The following NOMO3 variants were observed in gnomAD, a reference collection of about 807,000 sequenced individuals.
NOMO3 encodes the protein BOS complex subunit NOMO3.
Under a neutral mutation model 69.9 loss-of-function variants are expected in NOMO3, and 15 were observed. The ratio of observed to expected loss-of-function variants is 0.21; its 90% CI spans 0.14 to 0.33. NOMO3 has a LOEUF of 0.33. Among genes scored for constraint, NOMO3 ranks in the 10% least tolerant of loss-of-function variants. The pLI is 1.00. For missense variants in NOMO3, 218 were observed against 761.0 expected, an observed-to-expected ratio of 0.29 and a Z score of 8.39; for synonymous variants, 89 against 301.9, an observed-to-expected ratio of 0.29 and a Z score of 7.31.
At chr16:16,259,081 A>G (rs2049542864) in intron 11 of NOMO3, among the ~76,000 whole-genome samples, 1 of 142,262 alleles carries the variant, frequency 7.0e-6, no homozygotes, top group Non-Finnish European at 1.5e-5. Context: ...CGAGGAGTAG[A>G]TGGATTTGGT....
intron 4 of NOMO3, among the ~76,000 whole-genome samples, chr16:16,244,056 GC>G (rs2049396162): frequency 7.0e-6 from 1 of 143,650 alleles, no homozygotes; most frequent in African/African-American, 2.8e-5. Context: ...ACGGGTGTGT[GC>G]CCAGCTCCCG....
At chr16:16,260,986 A>G (rs371546982) in intron 11 of NOMO3, 5,041 of 149,586 alleles carry the variant, frequency 0.034, 469 homozygotes, top group African/African-American at 0.053. Context: ...TTCTGTTCCA[A>G]TCTCCCAGTT....
Position 16,270,361 on chromosome 16 carries a change from C to T in NOMO3, c.1958+177C>T, listed in dbSNP as rs910833168. ...ACACTTGGATTAGTTACTGAGGAAC[C>T]GGAGACAGGATCCCTTTCCCAAGAA... On this transcript the variant is annotated intron_variant, in intron 17 of 30. Coordinates refer to ENST00000399336, the MANE Select transcript of NOMO3 (RefSeq NM_001004067.4). 1.8e-4 allele frequency among the ~76,000 whole-genome samples: 22 copies of T among 119,956 alleles called. 1 individual carries two copies. Among genetic ancestry groups the T allele is most frequent in the African/African-American group, 5.4e-4 (13 of 24,038 alleles). The allele number at this position is 119,956 out of a possible 152,430, so 78.7% of individuals were successfully genotyped here.
intron 9 of NOMO3, among the ~76,000 whole-genome samples, chr16:16,252,765 A>G (rs1405679761): frequency 1.1e-5 from 1 of 94,700 alleles, no homozygotes. Flanking sequence ...TTCAGGCACC[A>G]TTCCAGGACT....
In NOMO3 at chr16:16,259,071, C is replaced by G. The variant is rs535149507; in HGVS notation, c.1221-2431C>G. On this transcript the variant is annotated intron_variant, in intron 11 of 30. Coordinates refer to ENST00000399336, the MANE Select transcript of NOMO3 (RefSeq NM_001004067.4). ...CCCAGGCGGCTGGCAGGCGAGGGAG[C>G]GAGGAGTAGATGGATTTGGTAGGTC... Among the ~76,000 whole-genome samples the G allele has an allele frequency of 5.6e-5, 8 of 142,106 alleles. 1 individual carries two copies. In the East Asian group the frequency reaches 1.2e-3, roughly 21 times the overall value. 93.2% of individuals were successfully genotyped at this position (142,106 alleles called of 152,430 possible).
At chr16:16,255,386 A>G (rs1265008535) in intron 9 of NOMO3, among the ~76,000 whole-genome samples, 1 of 138,048 alleles carries the variant, frequency 7.2e-6, no homozygotes, top group East Asian at 2.4e-4. Flanking sequence ...GTGGTTCACC[A>G]AAATGGGGGC....
chr16:16,264,915 C>A, intron 14 of NOMO3, 128 bp from the exon 15 acceptor site: 2 of 599,776 alleles, frequency 3.3e-6, no homozygotes, highest in South Asian at 4.1e-5. Flanking sequence ...GTGTATATTT[C>A]TATCTTTATG....
rs375238777 is a variant in NOMO3, at chr16:16,263,529, G to C, written c.1554G>C (p.Leu518Phe). Residue 518 changes from leucine (L) to phenylalanine (F), a missense_variant, in exon 14 of 31, where the codon TTG (leucine) becomes TTC (phenylalanine). Physicochemically the swap from Leu to Phe is conservative, Grantham distance 22. Coordinates refer to ENST00000399336, the MANE Select transcript of NOMO3 (RefSeq NM_001004067.4). ...KVSCLDTCGD[L>F]LVTLQSLSRQ... ...TCCCTGCAGACACCTGTGGTGACTT[G>C]CTGGTGACTCTACAGTCCCTGAGCC... The C allele has an allele frequency of 5.9e-4, 737 of 1,242,228 alleles. 7 individuals carry two copies. The highest frequency in any genetic ancestry group is 7.5e-4 in the Non-Finnish European group (708 of 939,386). The allele number at this position is 1,242,228 out of a possible 1,614,324, so 77.0% of individuals were successfully genotyped here. A position where few individuals can be genotyped will look rare whatever the true frequency, so the allele number is the denominator to read the frequency against.
intron 1 of NOMO3, chr16:16,235,976 G>A (rs2049323529): frequency 2.9e-6 from 1 of 340,442 alleles, no homozygotes; most frequent in Non-Finnish European, 5.8e-6. Context: ...ATGGCATTTG[G>A]GCATCTTACT....
Position 16,266,113 on chromosome 16 carries a change from T to C in NOMO3, c.1807-931T>C, listed in dbSNP as rs1179967409. On this transcript the variant is annotated intron_variant, in intron 15 of 30. Transcript: ENST00000399336. The stretch of plus-strand genomic sequence containing the variant: ...GTGAAATGGGTTTCAGGAGCACCTC[T>C]GTAGATCCCTTCGTGAATTTTCTAT... 3.7e-3 allele frequency among the ~76,000 whole-genome samples: 468 copies of C among 127,420 alleles called. 2 individuals are homozygous for C. The highest frequency in any genetic ancestry group is 8.3e-3 in the African/African-American group (237 of 28,720). 83.6% of individuals were successfully genotyped at this position (127,420 alleles called of 152,430 possible).
At chr16:16,258,061 A>G (rs1377466859) in intron 11 of NOMO3, among the ~76,000 whole-genome samples, 1 of 142,042 alleles carries the variant, frequency 7.0e-6, no homozygotes, top group East Asian at 2.3e-4. Context: ...CCTGTAATCC[A>G]TCCCAGCACT....
intron 6 of NOMO3, among the ~76,000 whole-genome samples, chr16:16,250,305 T>C (rs1259365458): frequency 1.5e-5 from 2 of 137,820 alleles, no homozygotes; most frequent in Non-Finnish European, 3.0e-5. Flanking sequence ...TAACACTATA[T>C]ATCATTAAAA....
chr16:16,256,219 A>T, intron 11 of NOMO3, 61 bp downstream of exon 11: 1 of 1,553,648 alleles, frequency 6.4e-7, no homozygotes. Context: ...GTGTAGAACC[A>T]AATGACCTGT....
chr16:16,258,330 G>T (rs1195554560), intron 11 of NOMO3, among the ~76,000 whole-genome samples: 8 of 132,998 alleles, frequency 6.0e-5, no homozygotes, highest in Admixed American at 5.9e-4. Flanking sequence ...AGCTAATTTA[G>T]AGTGGGAGCT....
At chr16:16,265,876 TAGAGAC>T (rs1487842032) in intron 15 of NOMO3, among the ~76,000 whole-genome samples, 1 of 140,310 alleles carries the variant, frequency 7.1e-6, no homozygotes, top group East Asian at 2.3e-4. Flanking sequence ...GTATTTTTGT[TAGAGAC>T]AGAGTTCCAC....
chr16:16,269,442 T>G (rs2049644891), intron 16 of NOMO3, among the ~76,000 whole-genome samples: 1 of 142,362 alleles, frequency 7.0e-6, no homozygotes, highest in African/African-American at 2.9e-5. Context: ...TTTTTTTTTT[T>G]TTTTTTTTGA....
intron 1 of NOMO3, among the ~76,000 whole-genome samples, chr16:16,234,860 A>G (rs1490380666): frequency 6.6e-6 from 1 of 152,098 alleles, no homozygotes; most frequent in African/African-American, 2.4e-5. Flanking sequence ...TACTTTAACA[A>G]TCAGCAGGTT....
chr16:16,255,088 T>C (rs560887465), intron 9 of NOMO3, among the ~76,000 whole-genome samples: 4 of 143,934 alleles, frequency 2.8e-5, no homozygotes, highest in Non-Finnish European at 4.4e-5. Context: ...AATTTTTGTA[T>C]TTTTAGTGGA....
chr16:16,237,869 T>G (rs1343208072), intron 2 of NOMO3, among the ~76,000 whole-genome samples: 2 of 144,584 alleles, frequency 1.4e-5, no homozygotes, highest in African/African-American at 5.5e-5. Flanking sequence ...AATTTTGATG[T>G]GCATCCTAAC....
Sources: gnomAD v4.1 joint callset for allele counts (sites outside exome capture counted in the v4.1 genomes callset) on GRCh38, gnomAD v4.1.1 for gene constraint, MANE v1.5 for transcripts, NCBI Gene and HGNC (gene_info 2026-07-23, HGNC 2026-07-21) for gene names.